HELQ: variants seen among roughly 807,000 people sequenced by gnomAD.
The protein encoded by HELQ is helicase, POLQ like.
In HELQ, 77 loss-of-function variants were observed where a neutral mutation model predicts 111.6. The observed-to-expected ratio is 0.69, with a 90% confidence interval of 0.57 to 0.83. The LOEUF (loss-of-function observed/expected upper bound fraction) is 0.83. Among genes scored for constraint, HELQ ranks in the 40% least tolerant of loss-of-function variants. HELQ has a pLI of 0.00. For missense variants in HELQ, 1,200 were observed against 1,288.5 expected (o/e 0.93, Z 1.05); for synonymous variants, 438 against 454.7 (o/e 0.96, Z 0.47).
intron 16 of HELQ, among the ~76,000 whole-genome samples, 175 bp from the exon 17 acceptor site, chr4:83,417,040 T>A (rs1250538325): frequency 6.6e-6 from 1 of 152,096 alleles, no homozygotes; most frequent in Non-Finnish European, 1.5e-5. Context: ...ATTTGGGTGG[T>A]TCCAAACTGA....
intron 17 of HELQ, among the ~76,000 whole-genome samples, chr4:83,415,045 G>A (rs540465108): frequency 6.6e-6 from 1 of 152,298 alleles, no homozygotes; most frequent in African/African-American, 2.4e-5. Flanking sequence ...ATTAAAAAAT[G>A]ATGGAAAGCT....
rs770024155 is a variant in HELQ at position 83,439,939 on chromosome 4, A to G, written c.1732T>C (p.Tyr578His). The G allele has an allele frequency of 6.2e-7, 1 of 1,610,076 alleles. No individual in the cohort carries two copies. Among genetic ancestry groups the G allele is most frequent in the South Asian group, 1.1e-5 (1 of 90,824 alleles). ...VALVTEVIPN[Y>H]SCLVFCPSKK... ...CTAGGACAAAAAACTAAGCAGGAAT[A>G]ATTGGGAATAACTTCTGTCACCAAT... Residue 578 changes from tyrosine to histidine, a missense_variant, in exon 8 of 18, where the codon TAT becomes CAT. By Grantham distance (83) the Tyr-to-His change is moderately conservative. Transcript: ENST00000295488.
At chr4:83,421,774 C>T (rs1410110169) in intron 14 of HELQ, 38 bp from the exon 15 acceptor site, 5 of 1,520,616 alleles carry the variant, frequency 3.3e-6, no homozygotes, top group Middle Eastern at 1.8e-4. Context: ...TTTACTAGAC[C>T]TGCTAAAAAT....
chr4:83,434,914 T>C (rs1030925002), intron 9 of HELQ, among the ~76,000 whole-genome samples: 2 of 151,412 alleles, frequency 1.3e-5, no homozygotes, highest in African/African-American at 4.9e-5. Context: ...ACAGAGATAA[T>C]GGGAAGAAAA....
At position 83,453,808 on chromosome 4, in the gene HELQ, A is replaced by C. The variant is rs1354077488; in HGVS notation, c.435T>G (p.Thr145=). The C allele has an allele frequency of 6.2e-7, 1 of 1,614,058 alleles. No individual in the cohort carries two copies. The highest frequency in any genetic ancestry group is 1.3e-5 in the African/African-American group (1 of 74,930). Residue 145 remains threonine, a synonymous_variant, in exon 2 of 18, where the codon ACT becomes ACG. Coordinates refer to ENST00000295488, the MANE Select transcript of HELQ (RefSeq NM_133636.5). The stretch of plus-strand genomic sequence containing the variant: ...TGATACTTTCCGAGCAAAGATTTTC[A>C]GTGGCAAAGTCTGTAGCATGTTTCT... The part of the protein sequence containing the change: ...EHKKHATDFA[T]ENLCSESIKN...
chr4:83,440,162 T>C (rs966400906), intron 7 of HELQ, among the ~76,000 whole-genome samples, 154 bp from the exon 8 acceptor site: 2 of 152,208 alleles, frequency 1.3e-5, no homozygotes, highest in Non-Finnish European at 1.5e-5. Flanking sequence ...ATGAAATCTA[T>C]ATTAAACATC....
intron 1 of HELQ, among the ~76,000 whole-genome samples, chr4:83,454,879 C>T (rs760251130): frequency 6.6e-5 from 10 of 152,146 alleles, no homozygotes; most frequent in Admixed American, 5.2e-4. Flanking sequence ...ATGGTTGTAC[C>T]ACTAGACACT....
In HELQ at chr4:83,436,851, C is replaced by T; in HGVS notation, c.2048+7G>A. On this transcript the variant is annotated splice_region_variant and intron_variant, in intron 9 of 17. Coordinates refer to ENST00000295488, the MANE Select transcript of HELQ (RefSeq NM_133636.5). ...CTGAGCCTGGTCAACACTTACTTATCTCTTACCTTCGAGCTGGTAGGTTGA... is the reference window on the plus strand; with the variant it reads ...CTGAGCCTGGTCAACACTTACTTATTTCTTACCTTCGAGCTGGTAGGTTGA... 6.2e-7 allele frequency: 1 copy of T among 1,610,858 alleles called. No individual in the cohort carries two copies. Among genetic ancestry groups the T allele is most frequent in the Non-Finnish European group, 8.5e-7 (1 of 1,178,452 alleles).
chr4:83,434,635 T>A (rs552607570), intron 9 of HELQ, among the ~76,000 whole-genome samples: 1 of 152,064 alleles, frequency 6.6e-6, no homozygotes, highest in African/African-American at 2.4e-5. Flanking sequence ...GCTAAGTTTT[T>A]AATTTTTTAG....
chr4:83,412,064 CA>C (rs1408705929), intron 17 of HELQ, among the ~76,000 whole-genome samples: 3 of 152,180 alleles, frequency 2.0e-5, no homozygotes, highest in Non-Finnish European at 2.9e-5. Flanking sequence ...TGAGAGAACC[CA>C]AAGCCAAGAA....
chr4:83,421,116 T>C (rs568478070), intron 15 of HELQ, among the ~76,000 whole-genome samples: 1 of 152,264 alleles, frequency 6.6e-6, no homozygotes, highest in East Asian at 1.9e-4. Flanking sequence ...CAGTCAAAAT[T>C]AAATTTTTTT....
intron 16 of HELQ, 21 bp downstream of exon 16, chr4:83,418,072 G>A (rs770826800): frequency 7.5e-7 from 1 of 1,328,816 alleles, no homozygotes; most frequent in Non-Finnish European, 1.1e-6. Flanking sequence ...ATTTCAATTG[G>A]GAAACCAACA....
At chr4:83,419,958 T>C (rs952376321) in intron 15 of HELQ, among the ~76,000 whole-genome samples, 3 of 152,130 alleles carry the variant, frequency 2.0e-5, no homozygotes, top group African/African-American at 7.2e-5. Flanking sequence ...ATACAGAATA[T>C]GAAGGTTTAA....
chr4:83,434,471 A>AT (rs571676882), intron 9 of HELQ, among the ~76,000 whole-genome samples: 11,731 of 148,312 alleles, frequency 0.079, 1,513 homozygotes, highest in African/African-American at 0.27. Flanking sequence ...TTAAAAACTC[A>AT]TTTTTTTTTT....
intron 12 of HELQ, among the ~76,000 whole-genome samples, chr4:83,429,257 G>A (rs1306815499): frequency 6.6e-6 from 1 of 151,936 alleles, no homozygotes; most frequent in Non-Finnish European, 1.5e-5. Context: ...AACAATTCCT[G>A]TGCCTCAGCC....
intron 17 of HELQ, among the ~76,000 whole-genome samples, chr4:83,414,363 G>A (rs1484790357): frequency 6.6e-6 from 1 of 152,172 alleles, no homozygotes; most frequent in Non-Finnish European, 1.5e-5. Flanking sequence ...CATCCACAGG[G>A]GTGCTGTGGG....
At chr4:83,429,361 C>T (rs907501161) in intron 12 of HELQ, among the ~76,000 whole-genome samples, 163 bp downstream of exon 12, 10 of 152,158 alleles carry the variant, frequency 6.6e-5, no homozygotes, top group Non-Finnish European at 1.5e-4. Context: ...ATTGGCCAGG[C>T]TGGTCTCAAA....
In HELQ at chr4:83,424,823, G is replaced by A. The variant is rs527324891; in HGVS notation, c.2775+1171C>T. ...GCCCACCTCGGCCTCCCAAAGTGCT[G>A]GGATTACAGGCATGAGCCACTGTGC... is the stretch of plus-strand genomic sequence containing the variant. On this transcript the variant is annotated intron_variant, in intron 14 of 17. Transcript: ENST00000295488. 2.6e-5 allele frequency among the ~76,000 whole-genome samples: 4 copies of A among 151,754 alleles called. No individual in the cohort carries two copies. The East Asian group carries it at 7.8e-4, about 29-fold the overall frequency.
intron 9 of HELQ, among the ~76,000 whole-genome samples, chr4:83,434,727 G>A (rs921094742): frequency 6.6e-6 from 1 of 152,102 alleles, no homozygotes; most frequent in Admixed American, 6.6e-5. Context: ...GCCTCCCAAA[G>A]TGCTGGGATT....
Sources: allele counts gnomAD v4.1 joint callset (sites outside exome capture counted in the v4.1 genomes callset), GRCh38; gene constraint gnomAD v4.1.1; transcripts MANE v1.5; gene names NCBI Gene and HGNC (gene_info 2026-07-23, HGNC 2026-07-21).